The following RAB38 variants were observed in gnomAD, a reference collection of about 807,000 sequenced individuals.
The protein encoded by RAB38 is RAB38, member RAS oncogene family, also known as ras-related protein Rab-38.
RAB38 carries 15 observed loss-of-function variants against 18.4 expected under a neutral mutation model. The observed-to-expected ratio is 0.82, with a 90% CI of 0.55 to 1.26. RAB38 has a LOEUF of 1.26. Among genes scored for constraint, RAB38 ranks in the 50% most tolerant of loss-of-function variants. The pLI, the probability that RAB38 is intolerant of heterozygous loss-of-function variation, is 0.00. For missense variants in RAB38, 294 were observed against 267.4 expected, an observed-to-expected ratio of 1.10 and a Z score of -0.69; for synonymous variants, 101 against 104.4, an observed-to-expected ratio of 0.97 and a Z score of 0.20.
Position 88,114,036 on chromosome 11 carries a change from A to C in RAB38, c.588T>G (p.His196Gln), listed in dbSNP as rs1942513040. Residue 196 changes from histidine to glutamine, a missense_variant, in exon 3 of 3, where the codon CAT (histidine) becomes CAG (glutamine). His to Gln is a conservative substitution (Grantham distance 24, BLOSUM62 0). Coordinates refer to ENST00000243662, the MANE Select transcript of RAB38 (RefSeq NM_022337.3). ...ESIEPDVVKP[H>Q]LTSTKVASCS... Reference sequence around the variant, plus strand: ...AGCTGGCAACCTTGGTTGATGTGAGATGGGGCTTCACGACGTCCGGCTCAA... The same window carrying C: ...AGCTGGCAACCTTGGTTGATGTGAGCTGGGGCTTCACGACGTCCGGCTCAA... 1 of 1,614,042 alleles carries C rather than the reference A, an allele frequency of 6.2e-7. No individual in the cohort carries two copies. Among genetic ancestry groups the C allele is most frequent in the African/African-American group, 1.3e-5 (1 of 74,930 alleles).
chr11:88,151,657 A>G (rs1397990455), intron 1 of RAB38, among the ~76,000 whole-genome samples: 2 of 152,256 alleles, frequency 1.3e-5, no homozygotes, highest in Non-Finnish European at 2.9e-5. Flanking sequence ...ATAGGTTAAC[A>G]TATCTCTAAG....
chr11:88,139,178 G>T (rs1942874972), intron 2 of RAB38, among the ~76,000 whole-genome samples: 1 of 152,110 alleles, frequency 6.6e-6, no homozygotes, highest in Admixed American at 6.5e-5. Context: ...ACATGTTCTT[G>T]ATTAGATATC....
chr11:88,027,019 T>A, the RAB38 span, among the ~76,000 whole-genome samples: 1 of 152,216 alleles, frequency 6.6e-6, no homozygotes, highest in Non-Finnish European at 1.5e-5. Flanking sequence ...ATTTTTTAAA[T>A]TGACACTGAG....
At chr11:88,028,024 G>T in the RAB38 span, among the ~76,000 whole-genome samples, 3 of 152,196 alleles carry the variant, frequency 2.0e-5, no homozygotes, top group Non-Finnish European at 2.9e-5. Flanking sequence ...ACTCCTCTGA[G>T]ACAAAACTTC....
At chr11:87,920,667 CAGTTTA>C in the RAB38 span, among the ~76,000 whole-genome samples, 1,169 of 152,136 alleles carry the variant, frequency 7.7e-3, 18 homozygotes, top group African/African-American at 0.027. Flanking sequence ...GTCTAAAGTA[CAGTTTA>C]AGTTTAACAT....
chr11:87,962,709 A>C, the RAB38 span, among the ~76,000 whole-genome samples: 69 of 152,284 alleles, frequency 4.5e-4, 2 homozygotes, highest in East Asian at 0.013. Flanking sequence ...CGTCCCTGAA[A>C]ATTTTTTCAG....
At chr11:88,059,391 G>A in the RAB38 span, among the ~76,000 whole-genome samples, 1 of 152,186 alleles carries the variant, frequency 6.6e-6, no homozygotes, top group South Asian at 2.1e-4. Flanking sequence ...TGTGAGGGAT[G>A]GGATCCACTG....
chr11:88,044,365 G>C, the RAB38 span, among the ~76,000 whole-genome samples: 2 of 151,770 alleles, frequency 1.3e-5, no homozygotes, highest in African/African-American at 4.8e-5. Flanking sequence ...CCTTCTCTCC[G>C]TGTCTCTACT....
At chr11:88,163,204 T>C (rs1194331662) in intron 1 of RAB38, among the ~76,000 whole-genome samples, 2 of 152,106 alleles carry the variant, frequency 1.3e-5, no homozygotes, top group African/African-American at 4.8e-5. Flanking sequence ...GGTGTCTCCA[T>C]AACACAGGTA....
the RAB38 span, among the ~76,000 whole-genome samples, chr11:88,065,474 G>A: frequency 6.6e-6 from 1 of 152,172 alleles, no homozygotes; most frequent in East Asian, 1.9e-4. Flanking sequence ...TCCAAAATTA[G>A]TTGACCTAGG....
the RAB38 span, among the ~76,000 whole-genome samples, chr11:88,013,054 C>T: frequency 2.0e-5 from 3 of 152,142 alleles, no homozygotes; most frequent in African/African-American, 7.2e-5. Flanking sequence ...AGAAAAATCT[C>T]ATCCTTATGG....
chr11:87,976,772 ATATT>A, the RAB38 span, among the ~76,000 whole-genome samples: 1 of 98,328 alleles, frequency 1.0e-5, no homozygotes, highest in African/African-American at 4.2e-5. Context: ...CACATAATAT[ATATT>A]TATATATTAT....
the RAB38 span, among the ~76,000 whole-genome samples, chr11:87,949,385 T>C: frequency 3.3e-5 from 5 of 152,166 alleles, no homozygotes; most frequent in African/African-American, 4.8e-5. Flanking sequence ...GTGTCTCTAT[T>C]TCCTTCAGTT....
chr11:88,020,669 G>A, the RAB38 span, among the ~76,000 whole-genome samples: 1 of 152,094 alleles, frequency 6.6e-6, no homozygotes, highest in African/African-American at 2.4e-5. Flanking sequence ...CTCAGCACAT[G>A]GATTATTCCC....
chr11:87,919,132 T>G, the RAB38 span, among the ~76,000 whole-genome samples: 1 of 152,082 alleles, frequency 6.6e-6, no homozygotes, highest in Admixed American at 6.6e-5. Flanking sequence ...CTCCAGTGCA[T>G]TTTCTTGACA....
chr11:88,172,743 A>C (rs531958655), intron 1 of RAB38, among the ~76,000 whole-genome samples: 100 of 152,300 alleles, frequency 6.6e-4, no homozygotes, highest in African/African-American at 2.4e-3. Flanking sequence ...CTCATAACCC[A>C]CATGGCTCCC....
the RAB38 span, among the ~76,000 whole-genome samples, chr11:88,021,833 G>T: frequency 8.0e-6 from 1 of 125,712 alleles, no homozygotes; most frequent in African/African-American, 3.0e-5. Context: ...CAGCCTGGGT[G>T]ACAGAGCAAA....
At chr11:87,882,279 T>C in the RAB38 span, among the ~76,000 whole-genome samples, 1 of 151,864 alleles carries the variant, frequency 6.6e-6, no homozygotes, top group Non-Finnish European at 1.5e-5. Flanking sequence ...TTGGCAAATG[T>C]GAATCTAGCA....
At chr11:88,115,892 T>C (rs1383216904) in intron 2 of RAB38, 1 of 152,212 alleles carries the variant, frequency 6.6e-6, no homozygotes, top group Non-Finnish European at 1.5e-5. Flanking sequence ...ATGTTTTTTG[T>C]CCATATGGAT....
Sources: allele counts gnomAD v4.1 joint callset (sites outside exome capture counted in the v4.1 genomes callset), GRCh38; gene constraint gnomAD v4.1.1; transcripts MANE v1.5; gene names NCBI Gene and HGNC (gene_info 2026-07-23, HGNC 2026-07-21).